The following ASAP1 variants were observed in gnomAD, a reference collection of about 807,000 sequenced individuals.
ASAP1 encodes the protein arf-GAP with SH3 domain, ANK repeat and PH domain-containing protein 1.
A neutral mutation model predicts 145.2 loss-of-function variants in ASAP1; 43 were observed. That is an observed-to-expected ratio of 0.30 (90% CI 0.23 to 0.38). ASAP1 has a LOEUF of 0.38. Ranked by LOEUF, ASAP1 falls within the 10% of genes least tolerant of loss-of-function variation. The pLI is 1.00. For missense variants in ASAP1, 1,018 were observed against 1,355.3 expected (o/e 0.75, Z 3.91); for synonymous variants, 546 against 515.5 (o/e 1.06, Z -0.80).
At position 130,116,975 on chromosome 8, in the gene ASAP1, G is replaced by A. The variant is rs1230682748; in HGVS notation, c.1901C>T (p.Thr634Met). 6.2e-7 allele frequency: 1 copy of A among 1,608,678 alleles called. No individual in the cohort carries two copies. Among genetic ancestry groups the A allele is most frequent in the African/African-American group, 1.3e-5 (1 of 74,756 alleles). The change falls in exon 21 of 30, where the codon ACG becomes ATG. Residue 634 changes from threonine (T) to methionine (M), a missense_variant. Physicochemically the swap from Thr to Met is moderately conservative, Grantham distance 81. This residue lies in a region of ASAP1 where 353 missense variants were observed against 375.4 expected (regional missense o/e 0.94). Transcript: ENST00000518721. ...VQNCGNLDKQ[T>M]ALGNTVLHYC... ...GTGTAGAACTGTGTTTCCCAGGGCCGTCTGCTTATCCAGGTTCCCACTGAA... is the reference window on the plus strand; with the variant it reads ...GTGTAGAACTGTGTTTCCCAGGGCCATCTGCTTATCCAGGTTCCCACTGAA...
At chr8:130,119,376 G>C (rs1310519395) in intron 18 of ASAP1, among the ~76,000 whole-genome samples, 1 of 152,230 alleles carries the variant, frequency 6.6e-6, no homozygotes, top group Non-Finnish European at 1.5e-5. Context: ...TTCAGTATGG[G>C]AGCAGGAGAC....
intron 3 of ASAP1, among the ~76,000 whole-genome samples, chr8:130,343,935 C>T (rs142255017): frequency 7.2e-5 from 11 of 152,316 alleles, no homozygotes; most frequent in African/African-American, 2.4e-4. Flanking sequence ...ACAGTAGCGG[C>T]TACCTCTGGT....
At chr8:130,367,381 T>G (rs185095764) in intron 2 of ASAP1, among the ~76,000 whole-genome samples, 1 of 152,308 alleles carries the variant, frequency 6.6e-6, no homozygotes, top group African/African-American at 2.4e-5. Flanking sequence ...AGTAATTTGA[T>G]GTAACGCTCT....
In ASAP1 at chr8:130,171,031, T is replaced by C. The variant is rs572575179; in HGVS notation, c.747-1964A>G. Among the ~76,000 whole-genome samples, 18 of 152,354 alleles carry C rather than the reference T, an allele frequency of 1.2e-4. No individual in the cohort carries two copies. In the East Asian group the frequency reaches 3.5e-3, roughly 29 times the overall value. On this transcript the variant is annotated intron_variant, in intron 9 of 29. Coordinates refer to ENST00000518721, the MANE Select transcript of ASAP1 (RefSeq NM_018482.4). Reference sequence around the variant, plus strand: ...GTGCCTGGCCTAAACCCTTATTTTCTAGCATTTGGGTTTTCGGCACTGCCT... The same window carrying C: ...GTGCCTGGCCTAAACCCTTATTTTCCAGCATTTGGGTTTTCGGCACTGCCT...
Position 130,054,786 on chromosome 8 carries a change from T to A in ASAP1, c.3335A>T (p.Gln1112Leu). 2 of 1,613,528 alleles carry A rather than the reference T, an allele frequency of 1.2e-6. No individual in the cohort carries two copies. Among genetic ancestry groups the A allele is most frequent in the Non-Finnish European group, 1.7e-6 (2 of 1,179,556 alleles). The change falls in exon 30 of 30, where the codon CAG becomes CTG. Residue 1112 changes from glutamine to leucine, a missense_variant. By Grantham distance (113) the Gln-to-Leu change is moderately radical. This residue lies in a region of ASAP1 where 62 missense variants were observed against 97.8 expected (regional missense o/e 0.63). Transcript: ENST00000518721. ...TGGAAAGACCCCCTTCCTTTCAGGCTGTCCTTCGATGTGGCCAATCTGCAG... is the reference window on the plus strand; with the variant it reads ...TGGAAAGACCCCCTTCCTTTCAGGCAGTCCTTCGATGTGGCCAATCTGCAG... ...QEWWIGHIEG[Q>L]PERKGVFPVS...
rs761041919 is a variant in ASAP1, at chr8:130,112,096, T to C, written c.2399A>G (p.Lys800Arg). ...CAAGCCCTTCTCAAAGCCCATACCT[T>C]TCCCGGCGTTCCTAGGAGGCAGAGG... ...APPLPPRNAGKGPTGPPSTLP... is the reference protein window; with the variant it reads ...APPLPPRNAGRGPTGPPSTLP... The change falls in exon 24 of 30, where the codon AAA becomes AGA. Residue 800 changes from lysine (K) to arginine (R), a missense_variant and splice_region_variant. Lys to Arg is a conservative substitution (Grantham distance 26). Around this residue, in one of 9 missense-constraint regions of ASAP1, gnomAD observed 353 missense variants for 375.4 expected, o/e 0.94. Coordinates refer to ENST00000518721, the MANE Select transcript of ASAP1 (RefSeq NM_018482.4). 2.5e-6 allele frequency: 4 copies of C among 1,613,320 alleles called. No homozygotes were observed. Among genetic ancestry groups the C allele is most frequent in the Non-Finnish European group, 3.4e-6 (4 of 1,179,436 alleles).
intron 24 of ASAP1, among the ~76,000 whole-genome samples, chr8:130,109,016 C>G (rs990684835): frequency 3.3e-5 from 5 of 151,940 alleles, no homozygotes. Context: ...GTCAGGTGAT[C>G]CGGCCACCTC....
intron 3 of ASAP1, among the ~76,000 whole-genome samples, chr8:130,330,299 C>A (rs1043266098): frequency 5.9e-5 from 9 of 152,216 alleles, no homozygotes; most frequent in African/African-American, 2.2e-4. Context: ...GTGTCCTCTG[C>A]CTGAAATGTT....
intron 27 of ASAP1, among the ~76,000 whole-genome samples, chr8:130,066,440 G>A (rs1400571156): frequency 2.0e-5 from 3 of 152,020 alleles, no homozygotes; most frequent in Non-Finnish European, 4.4e-5. Context: ...TGAACTCCTG[G>A]GCTCAAGTGA....
intron 24 of ASAP1, among the ~76,000 whole-genome samples, chr8:130,109,434 G>A (rs983984286): frequency 1.3e-5 from 2 of 151,922 alleles, no homozygotes; most frequent in African/African-American, 4.8e-5. Flanking sequence ...TCTCCTCTTC[G>A]CTTTTGTGGG....
intron 2 of ASAP1, among the ~76,000 whole-genome samples, chr8:130,383,404 C>T (rs1827870528): frequency 6.6e-6 from 1 of 152,172 alleles, no homozygotes; most frequent in South Asian, 2.1e-4. Context: ...TAGAGACCAT[C>T]AAGGGGAGAA....
chr8:130,270,605 T>A (rs1820529248), intron 3 of ASAP1, among the ~76,000 whole-genome samples: 5 of 152,226 alleles, frequency 3.3e-5, no homozygotes, highest in Admixed American at 3.3e-4. Context: ...ACACAAAAAC[T>A]AAACCAACTA....
At chr8:130,303,752 T>G (rs899736488) in intron 3 of ASAP1, among the ~76,000 whole-genome samples, 10 of 152,070 alleles carry the variant, frequency 6.6e-5, no homozygotes, top group African/African-American at 1.9e-4. Context: ...AGATCAGTGG[T>G]TGCCAGGGGT....
chr8:130,193,172 C>T (rs912231844), intron 5 of ASAP1, among the ~76,000 whole-genome samples: 94 of 152,204 alleles, frequency 6.2e-4, no homozygotes, highest in Admixed American at 5.6e-3. Flanking sequence ...AGTTTGAGAC[C>T]AGCCTGGCCA....
chr8:130,176,403 A>T (rs1191115998), intron 9 of ASAP1, among the ~76,000 whole-genome samples: 1 of 152,236 alleles, frequency 6.6e-6, no homozygotes, highest in Non-Finnish European at 1.5e-5. Context: ...GCTTCTTGCT[A>T]TGATAGAGTT....
chr8:130,405,906 A>T (rs1174666570), intron 1 of ASAP1, among the ~76,000 whole-genome samples: 2 of 152,218 alleles, frequency 1.3e-5, no homozygotes, highest in Non-Finnish European at 2.9e-5. Context: ...AATTAAAATC[A>T]ATTATTATCC....
chr8:130,076,256 G>C (rs955400085), intron 27 of ASAP1, 92 bp downstream of exon 27: 3 of 837,550 alleles, frequency 3.6e-6, no homozygotes, highest in Non-Finnish European at 5.7e-6. Flanking sequence ...ATTTGGGATG[G>C]ATCAATGAAC....
intron 24 of ASAP1, among the ~76,000 whole-genome samples, chr8:130,099,662 A>G (rs1425136974): frequency 6.7e-6 from 1 of 148,940 alleles, no homozygotes; most frequent in Non-Finnish European, 1.5e-5. Flanking sequence ...ATGTTGTAGC[A>G]CATGAAAGGA....
chr8:130,359,172 G>A (rs1826571233), intron 2 of ASAP1, among the ~76,000 whole-genome samples: 1 of 152,116 alleles, frequency 6.6e-6, no homozygotes, highest in Non-Finnish European at 1.5e-5. Context: ...AAGGGTTTGG[G>A]GGCTTTTAAA....
Sources: allele counts gnomAD v4.1 joint callset (sites outside exome capture counted in the v4.1 genomes callset), GRCh38; gene constraint gnomAD v4.1.1; regional missense constraint gnomAD v4.1.1; transcripts MANE v1.5; gene names NCBI Gene and HGNC (gene_info 2026-07-23, HGNC 2026-07-21).